The following CRIM1 variants were observed in gnomAD, a reference collection of about 807,000 sequenced individuals.
The protein encoded by CRIM1 is cysteine-rich motor neuron 1 protein.
CRIM1 carries 32 observed loss-of-function variants against 116.4 expected under a neutral mutation model. The ratio of observed to expected loss-of-function variants is 0.27; its 90% CI spans 0.21 to 0.37. CRIM1 has a LOEUF of 0.37. Ranked by LOEUF, CRIM1 falls within the 10% of genes least tolerant of loss-of-function variation. The pLI is 1.00. For synonymous variants in CRIM1, 590 were observed against 509.2 expected (o/e 1.16, Z -2.13); for missense variants, 1,331 against 1,354.8 (o/e 0.98, Z 0.28).
At chr2:36,465,985 A>G (rs1367034154) in intron 5 of CRIM1, among the ~76,000 whole-genome samples, 3 of 150,880 alleles carry the variant, frequency 2.0e-5, no homozygotes. Context: ...TCCCAGGTTC[A>G]CGCCATTCTC....
At chr2:36,367,452 C>G (rs1211370926) in intron 1 of CRIM1, among the ~76,000 whole-genome samples, 1 of 152,170 alleles carries the variant, frequency 6.6e-6, no homozygotes, top group Non-Finnish European at 1.5e-5. Flanking sequence ...AGCCCAGTGA[C>G]TTAAATAAAA....
chr2:36,538,077 C>CA (rs1666680601), intron 14 of CRIM1, among the ~76,000 whole-genome samples: 1 of 152,160 alleles, frequency 6.6e-6, no homozygotes, highest in Non-Finnish European at 1.5e-5. Context: ...CATCTCTTTC[C>CA]ACACTTAACG....
At chr2:36,506,840 CTTTA>C (rs1334155966) in intron 8 of CRIM1, among the ~76,000 whole-genome samples, 3 of 151,978 alleles carry the variant, frequency 2.0e-5, no homozygotes, top group Non-Finnish European at 4.4e-5. Flanking sequence ...TTTTTCTACT[CTTTA>C]TTTATGTTTT....
At chr2:36,507,715 G>T (rs1681529929) in intron 8 of CRIM1, among the ~76,000 whole-genome samples, 1 of 152,224 alleles carries the variant, frequency 6.6e-6, no homozygotes, top group African/African-American at 2.4e-5. Context: ...TTGCAAAGCA[G>T]AGGTAGATTA....
At chr2:36,533,425 C>CAAAAA (rs35978594) in intron 13 of CRIM1, among the ~76,000 whole-genome samples, 298 of 99,388 alleles carry the variant, frequency 3.0e-3, no homozygotes, top group Admixed American at 0.01. Context: ...CCCATCTCCA[C>CAAAAA]AAAAAAAAAA....
chr2:36,410,870 G>A (rs1673152993), intron 2 of CRIM1, among the ~76,000 whole-genome samples: 1 of 152,148 alleles, frequency 6.6e-6, no homozygotes, highest in Admixed American at 6.5e-5. Flanking sequence ...CGTGGCGTCT[G>A]CAAGTATCCT....
chr2:36,485,760 T>C (rs1023499498), intron 7 of CRIM1, among the ~76,000 whole-genome samples: 4 of 152,198 alleles, frequency 2.6e-5, no homozygotes, highest in Non-Finnish European at 5.9e-5. Flanking sequence ...ATAACAGGGA[T>C]CAAAACTCAG....
At position 36,549,721 on chromosome 2, in the gene CRIM1, G is replaced by A. The variant is rs1272924349; in HGVS notation, c.*1020G>A. The stretch of plus-strand genomic sequence containing the variant: ...TTCATTTTAATTGTATATTATTCAA[G>A]CACCTTTGTTGAAGCTCAAAAAAAA... On this transcript the variant is annotated 3_prime_UTR_variant, in exon 17 of 17. Transcript: ENST00000280527. 3 of 152,118 alleles carry A rather than the reference G, an allele frequency of 2.0e-5. No individual in the cohort carries two copies. Among genetic ancestry groups the A allele is most frequent in the African/African-American group, 7.3e-5 (3 of 41,312 alleles). 9.4% of individuals were successfully genotyped at this position (152,118 alleles called of 1,614,324 possible).
rs775202735 is a variant in CRIM1 at position 36,544,427 on chromosome 2, G to T, written c.2675G>T (p.Arg892Leu). ...TNIPIEKTNH[R>L]GEVDLEVPLW... ...ATACCCATTGAGAAGACAAACCATC[G>T]AGGAGAGGTTGACCTGGAGGTTCCC... The change falls in exon 15 of 17, where the codon CGA (arginine) becomes CTA (leucine). Residue 892 changes from arginine (R) to leucine (L), a missense_variant. Physicochemically the swap from Arg to Leu is moderately radical, Grantham distance 102. Around this residue, in one of 3 missense-constraint regions of CRIM1, gnomAD observed 283 missense variants for 242.8 expected, o/e 1.17. Transcript: ENST00000280527. The T allele has an allele frequency of 7.0e-7, 1 of 1,430,350 alleles. No homozygotes were observed. The highest frequency in any genetic ancestry group is 9.2e-7 in the Non-Finnish European group (1 of 1,086,518). The allele number at this position is 1,430,350 out of a possible 1,614,324, so 88.6% of individuals were successfully genotyped here. A position where few individuals can be genotyped will look rare whatever the true frequency, so the allele number is the denominator to read the frequency against.
At chr2:36,481,337 G>A (rs1679400940) in intron 7 of CRIM1, among the ~76,000 whole-genome samples, 1 of 152,156 alleles carries the variant, frequency 6.6e-6, no homozygotes, top group South Asian at 2.1e-4. Flanking sequence ...TGATGTTTGG[G>A]TAAGGAGTGA....
At chr2:36,376,532 C>G (rs996251134) in intron 1 of CRIM1, among the ~76,000 whole-genome samples, 1 of 152,088 alleles carries the variant, frequency 6.6e-6, no homozygotes, top group Non-Finnish European at 1.5e-5. Context: ...TGTGGGGATA[C>G]GAGAATGTGG....
At chr2:36,479,111 A>G (rs1679209517) in intron 6 of CRIM1, among the ~76,000 whole-genome samples, 1 of 152,220 alleles carries the variant, frequency 6.6e-6, no homozygotes, top group South Asian at 2.1e-4. Flanking sequence ...CAGTTAGGGA[A>G]GTTGAGGTTT....
intron 1 of CRIM1, among the ~76,000 whole-genome samples, chr2:36,370,415 C>G (rs1047423592): frequency 1.3e-5 from 2 of 152,028 alleles, no homozygotes; most frequent in Admixed American, 6.6e-5. Flanking sequence ...AAGGTGAGCC[C>G]TCAGCAACCA....
chr2:36,431,894 T>C (rs946464478), intron 2 of CRIM1, among the ~76,000 whole-genome samples: 1 of 152,322 alleles, frequency 6.6e-6, no homozygotes, highest in Non-Finnish European at 1.5e-5. Flanking sequence ...ATTGCTGTCA[T>C]TGTTGCACAA....
chr2:36,540,895 A>C (rs1350884404), intron 14 of CRIM1, among the ~76,000 whole-genome samples: 1 of 152,216 alleles, frequency 6.6e-6, no homozygotes, highest in Admixed American at 6.5e-5. Context: ...GATAAGAGAG[A>C]GTACAGATAT....
At chr2:36,403,452 A>G (rs529374756) in intron 2 of CRIM1, among the ~76,000 whole-genome samples, 20 of 152,352 alleles carry the variant, frequency 1.3e-4, no homozygotes, top group African/African-American at 4.8e-4. Context: ...CATAAGATGG[A>G]TAAATCAAGG....
intron 7 of CRIM1, among the ~76,000 whole-genome samples, chr2:36,482,724 C>G (rs1327249569): frequency 1.3e-5 from 2 of 152,118 alleles, no homozygotes; most frequent in African/African-American, 4.8e-5. Context: ...TGGCCCTTAC[C>G]CTATTAGCTA....
chr2:36,429,702 T>G (rs1259786423), intron 2 of CRIM1, among the ~76,000 whole-genome samples: 1 of 152,228 alleles, frequency 6.6e-6, no homozygotes, highest in East Asian at 1.9e-4. Context: ...CAAAGCACGG[T>G]GCCTAGACAG....
At chr2:36,506,037 A>C (rs1243147293) in intron 8 of CRIM1, among the ~76,000 whole-genome samples, 1 of 152,040 alleles carries the variant, frequency 6.6e-6, no homozygotes, top group Non-Finnish European at 1.5e-5. Context: ...TGCTTATTCC[A>C]GTCCAGGGTT....
Sources: allele counts gnomAD v4.1 joint callset (sites outside exome capture counted in the v4.1 genomes callset), GRCh38; gene constraint gnomAD v4.1.1; regional missense constraint gnomAD v4.1.1; transcripts MANE v1.5; gene names NCBI Gene and HGNC (gene_info 2026-07-23, HGNC 2026-07-21).